DNM3: variants seen among roughly 807,000 people sequenced by gnomAD.
The protein encoded by DNM3 is dynamin 3, also known as dynamin-3.
A neutral mutation model predicts 101.6 loss-of-function variants in DNM3; 47 were observed. That is an observed-to-expected ratio of 0.46 (90% CI 0.37 to 0.59). The LOEUF (loss-of-function observed/expected upper bound fraction) is 0.59. Among genes scored for constraint, DNM3 ranks in the 20% least tolerant of loss-of-function variants. DNM3 has a pLI of 0.00. For missense variants in DNM3, 849 were observed against 1,085.7 expected, an observed-to-expected ratio of 0.78 and a Z score of 3.06; for synonymous variants, 385 against 387.9, an observed-to-expected ratio of 0.99 and a Z score of 0.09.
intron 4 of DNM3, among the ~76,000 whole-genome samples, chr1:172,026,350 T>G (rs954808449): frequency 6.6e-6 from 1 of 152,142 alleles, no homozygotes; most frequent in Non-Finnish European, 1.5e-5. Context: ...CTGAAAGTGA[T>G]GGGAAGAATG....
chr1:172,403,191 T>C (rs922973713), intron 20 of DNM3, among the ~76,000 whole-genome samples: 22 of 152,178 alleles, frequency 1.4e-4, no homozygotes, highest in Non-Finnish European at 2.9e-4. Context: ...CTGAACTACA[T>C]AGGCCCATTC....
At chr1:172,127,603 G>A (rs964680218) in intron 13 of DNM3, among the ~76,000 whole-genome samples, 1 of 151,708 alleles carries the variant, frequency 6.6e-6, no homozygotes, top group Admixed American at 6.6e-5. Flanking sequence ...TAGAGATAGG[G>A]TTTCACCATG....
At chr1:172,254,496 C>T (rs1051573870) in intron 15 of DNM3, among the ~76,000 whole-genome samples, 4 of 152,072 alleles carry the variant, frequency 2.6e-5, no homozygotes, top group Non-Finnish European at 5.9e-5. Flanking sequence ...GTTTTTGTAA[C>T]AATTGCCTTT....
intron 11 of DNM3, among the ~76,000 whole-genome samples, chr1:172,072,117 G>A (rs981496560): frequency 5.3e-5 from 8 of 152,122 alleles, no homozygotes; most frequent in African/African-American, 1.9e-4. Context: ...GCTCCTTATA[G>A]TGGCAACAAT....
rs1481074044 is a variant in DNM3, at chr1:172,159,421, A to G, written c.1659+28133A>G. 2.6e-5 allele frequency among the ~76,000 whole-genome samples: 4 copies of G among 152,104 alleles called. No individual in the cohort carries two copies. In the South Asian group the frequency reaches 8.3e-4, roughly 31 times the overall value. On this transcript the variant is annotated intron_variant, in intron 14 of 20. Coordinates refer to ENST00000627582, the MANE Select transcript of DNM3 (RefSeq NM_015569.5). ...GTGGTAAATATAGTCTGCTCCACCT[A>G]GAACTGAACTTATTTTCATATGGAT...
At chr1:172,148,339 A>G (rs1338105301) in intron 14 of DNM3, among the ~76,000 whole-genome samples, 1 of 151,696 alleles carries the variant, frequency 6.6e-6, no homozygotes, top group East Asian at 1.9e-4. Flanking sequence ...CCATTTAGTA[A>G]ACTGTTAAAA....
At chr1:172,158,965 T>C (rs2058446774) in intron 14 of DNM3, among the ~76,000 whole-genome samples, 1 of 152,090 alleles carries the variant, frequency 6.6e-6, no homozygotes, top group Non-Finnish European at 1.5e-5. Context: ...TTCTCTTCTT[T>C]CTGCACATGA....
intron 1 of DNM3, among the ~76,000 whole-genome samples, chr1:171,884,950 A>G (rs888768027): frequency 1.3e-5 from 2 of 152,230 alleles, no homozygotes; most frequent in African/African-American, 4.8e-5. Flanking sequence ...TCAGTCCACT[A>G]CATGTTCCTT....
intron 14 of DNM3, among the ~76,000 whole-genome samples, chr1:172,214,863 G>A (rs1324662557): frequency 2.0e-5 from 3 of 151,978 alleles, no homozygotes; most frequent in Non-Finnish European, 4.4e-5. Context: ...AGCTGCCAGT[G>A]GAGGGCATAT....
chr1:171,994,844 G>A (rs2045887047), intron 4 of DNM3, among the ~76,000 whole-genome samples: 3 of 151,796 alleles, frequency 2.0e-5, no homozygotes, highest in African/African-American at 7.3e-5. Context: ...TCTGAGTCAG[G>A]TCAAGTAAAG....
At chr1:172,319,141 G>T (rs1314348678) in intron 16 of DNM3, among the ~76,000 whole-genome samples, 5 of 152,160 alleles carry the variant, frequency 3.3e-5, no homozygotes, top group Non-Finnish European at 5.9e-5. Context: ...ATGAGGAAAG[G>T]TTTCCCTATT....
intron 4 of DNM3, among the ~76,000 whole-genome samples, chr1:172,011,019 C>T (rs61805853): frequency 0.16 from 24,260 of 151,508 alleles, 2,545 homozygotes; most frequent in Non-Finnish European, 0.23. Context: ...CTGAATTCTA[C>T]AATATTCCTT....
In DNM3 at chr1:172,362,414, C is replaced by A. The variant is rs565507704; in HGVS notation, c.1894-16604C>A. On this transcript the variant is annotated intron_variant, in intron 17 of 20. Transcript: ENST00000627582. The stretch of plus-strand genomic sequence containing the variant: ...CAAAGGGGCAACATGGCTAAAGGCA[C>A]CAGGTCGTGATGTGCATGGTTTGAT... Among the ~76,000 whole-genome samples the A allele has an allele frequency of 3.3e-5, 5 of 151,962 alleles. No individual in the cohort carries two copies. The South Asian group carries it at 1.0e-3, about 32-fold the overall frequency.
At chr1:172,022,986 T>C (rs1241519980) in intron 4 of DNM3, among the ~76,000 whole-genome samples, 3 of 152,180 alleles carry the variant, frequency 2.0e-5, no homozygotes, top group Non-Finnish European at 4.4e-5. Flanking sequence ...TTCCATGATA[T>C]TGTCTTTTTT....
chr1:171,852,936 G>T (rs556508078), intron 1 of DNM3, among the ~76,000 whole-genome samples: 1 of 152,220 alleles, frequency 6.6e-6, no homozygotes, highest in African/African-American at 2.4e-5. Context: ...TTGGCTTGAT[G>T]GATGTCAGAG....
chr1:172,408,672 G>T lies in DNM3; in HGVS notation c.*831G>T, dbSNP rs556471791. 5 of 984,896 alleles carry T rather than the reference G, an allele frequency of 5.1e-6. No homozygotes were observed. In the Admixed American group the frequency reaches 3.1e-4, roughly 61 times the overall value. The allele number at this position is 984,896 out of a possible 1,614,324, so 61.0% of individuals were successfully genotyped here. On this transcript the variant is annotated 3_prime_UTR_variant, in exon 21 of 21. Coordinates refer to ENST00000627582, the MANE Select transcript of DNM3 (RefSeq NM_015569.5). Reference sequence around the variant, plus strand: ...AGGTTATATTGAAGGCTGACATGGAGAATGTTTACTTTTCTATTTGGCATA... The same window carrying T: ...AGGTTATATTGAAGGCTGACATGGATAATGTTTACTTTTCTATTTGGCATA...
chr1:171,953,010 G>C (rs541501881), intron 2 of DNM3, among the ~76,000 whole-genome samples: 1 of 152,300 alleles, frequency 6.6e-6, no homozygotes, highest in East Asian at 1.9e-4. Flanking sequence ...TAAGAAATGA[G>C]TGATAATTCT....
chr1:172,371,223 T>C (rs916969587), intron 17 of DNM3, among the ~76,000 whole-genome samples: 4 of 152,034 alleles, frequency 2.6e-5, no homozygotes, highest in Admixed American at 2.6e-4. Flanking sequence ...ATGTCAGGGC[T>C]GACAACTGAA....
At chr1:172,138,351 C>CAAAAAA (rs926351922) in intron 14 of DNM3, 2 of 60,230 alleles carry the variant, frequency 3.3e-5, no homozygotes, top group Admixed American at 1.9e-4. Context: ...TATCCCCTTC[C>CAAAAAA]AAAAAAAAAA....
Sources: allele counts gnomAD v4.1 joint callset (sites outside exome capture counted in the v4.1 genomes callset), GRCh38; gene constraint gnomAD v4.1.1; transcripts MANE v1.5; gene names NCBI Gene and HGNC (gene_info 2026-07-23, HGNC 2026-07-21).